The following BACE2 variants were observed in gnomAD, a reference collection of about 807,000 sequenced individuals.
BACE2 encodes 56 kDa aspartic-like protease.
A neutral mutation model predicts 46.2 loss-of-function variants in BACE2; 17 were observed. The observed-to-expected ratio is 0.37, with a 90% CI of 0.25 to 0.55. The LOEUF is 0.55. BACE2 is among the 20% of genes least tolerant of loss of function. The pLI is 0.82. For synonymous variants in BACE2, 277 were observed against 295.9 expected, an observed-to-expected ratio of 0.94 and a Z score of 0.66; for missense variants, 595 against 698.1, an observed-to-expected ratio of 0.85 and a Z score of 1.66.
intron 1 of BACE2, among the ~76,000 whole-genome samples, chr21:41,191,811 A>G (rs1985579476): frequency 6.6e-6 from 1 of 152,136 alleles, no homozygotes; most frequent in Admixed American, 6.5e-5. Context: ...CATCCTATTC[A>G]CTTGATTATT....
chr21:41,274,524 A>G (rs2088464644), intron 8 of BACE2, among the ~76,000 whole-genome samples: 1 of 152,222 alleles, frequency 6.6e-6, no homozygotes, highest in African/African-American at 2.4e-5. Context: ...CCGTATTGCA[A>G]GTAAAGCTTA....
chr21:41,174,484 C>T (rs1234936022), intron 1 of BACE2, among the ~76,000 whole-genome samples: 1 of 152,048 alleles, frequency 6.6e-6, no homozygotes, highest in Non-Finnish European at 1.5e-5. Context: ...GCATTGCTCC[C>T]AGGGGTGGAG....
intron 1 of BACE2, among the ~76,000 whole-genome samples, chr21:41,220,793 C>G (rs1333940079): frequency 6.6e-6 from 1 of 151,652 alleles, no homozygotes; most frequent in East Asian, 1.9e-4. Flanking sequence ...GGAGCAAGCT[C>G]TTACACATTT....
intron 3 of BACE2, among the ~76,000 whole-genome samples, chr21:41,238,634 T>C (rs1373828179): frequency 1.3e-5 from 2 of 152,028 alleles, no homozygotes; most frequent in East Asian, 3.9e-4. Flanking sequence ...TAAAAAATGA[T>C]GAGTTCATGT....
intron 8 of BACE2, among the ~76,000 whole-genome samples, chr21:41,270,906 A>G (rs1469800708): frequency 6.6e-6 from 1 of 152,142 alleles, no homozygotes; most frequent in East Asian, 1.9e-4. Flanking sequence ...GGATATTGGA[A>G]TCTCTGACTA....
intron 1 of BACE2, among the ~76,000 whole-genome samples, chr21:41,189,307 A>G (rs1279281671): frequency 6.6e-6 from 1 of 151,868 alleles, no homozygotes; most frequent in Non-Finnish European, 1.5e-5. Flanking sequence ...TGGACCTCCC[A>G]TTATTCAGAA....
chr21:41,200,473 C>T (rs2123528119), intron 1 of BACE2, among the ~76,000 whole-genome samples: 1 of 152,268 alleles, frequency 6.6e-6, no homozygotes, highest in East Asian at 1.9e-4. Context: ...GGATTAGGTG[C>T]ACCCGTGAGG....
rs114576438 is a variant in BACE2, at chr21:41,245,462, T to C, written c.883-500T>C. Among the ~76,000 whole-genome samples the C allele has an allele frequency of 2.5e-3, 374 of 152,384 alleles. 1 individual carries two copies. Among genetic ancestry groups the C allele is most frequent in the Middle Eastern group, 6.8e-3 (2 of 294 alleles). ...CGCCTGTGTGTGTCTCAGTCTATGA[T>C]GCACTGTGGCCCTGGTTCTGTTCCC... On this transcript the variant is annotated intron_variant, in intron 5 of 8. Transcript: ENST00000330333.
chr21:41,180,743 A>G (rs1451665550), intron 1 of BACE2: 1 of 167,152 alleles, frequency 6.0e-6, no homozygotes, highest in Non-Finnish European at 1.5e-5. Context: ...TATCTATGTA[A>G]CTAGGTAGCT....
At chr21:41,274,888 G>A (rs886486899) in intron 8 of BACE2, among the ~76,000 whole-genome samples, 12 of 152,178 alleles carry the variant, frequency 7.9e-5, no homozygotes, top group African/African-American at 2.9e-4. Context: ...CCATGGTAGG[G>A]AGTGAACTCA....
chr21:41,274,326 G>T (rs2088462803), intron 8 of BACE2, among the ~76,000 whole-genome samples: 1 of 151,960 alleles, frequency 6.6e-6, no homozygotes, highest in South Asian at 2.1e-4. Flanking sequence ...TTCTTTTCAG[G>T]TCATTATCGC....
rs149326608 is a variant in BACE2, at chr21:41,213,408, G to GTGAGAGGTGGTT, written c.313-12856_313-12845dup. Among the ~76,000 whole-genome samples the GTGAGAGGTGGTT allele has an allele frequency of 6.9e-3, 1,051 of 152,298 alleles. 81 individuals are homozygous for GTGAGAGGTGGTT. In the East Asian group the frequency reaches 0.18, roughly 25 times the overall value. On this transcript the variant is annotated intron_variant, in intron 1 of 8. Transcript: ENST00000330333. Reference sequence around the variant, plus strand: ...TACTCTCAGCCAGCAGGCAGAAGGGGTGAGAGGTGGTTTCTACTTGCATCA... The same window carrying GTGAGAGGTGGTT: ...TACTCTCAGCCAGCAGGCAGAAGGGGTGAGAGGTGGTTTGAGAGGTGGTTTCTACTTGCATCA...
chr21:41,171,616 A>C (rs1375466715), intron 1 of BACE2, among the ~76,000 whole-genome samples: 1 of 152,228 alleles, frequency 6.6e-6, no homozygotes, highest in East Asian at 1.9e-4. Context: ...GAACCGTGCA[A>C]TTTGGTCTTA....
chr21:41,213,885 A>C (rs1184443411), intron 1 of BACE2, among the ~76,000 whole-genome samples: 1 of 152,172 alleles, frequency 6.6e-6, no homozygotes, highest in East Asian at 1.9e-4. Flanking sequence ...TTTAGAATCA[A>C]ATTGCTCCAG....
At chr21:41,168,979 C>T (rs1008591818) in intron 1 of BACE2, among the ~76,000 whole-genome samples, 125 of 79,068 alleles carry the variant, frequency 1.6e-3, no homozygotes, top group African/African-American at 5.4e-3. Context: ...CGTGTTCATA[C>T]CCTCCCTCCC....
At position 41,178,243 on chromosome 21, in the gene BACE2, G is replaced by C. The variant is rs1984933384; in HGVS notation, c.312+9668G>C. The C allele has an allele frequency of 2.0e-5, 3 of 152,382 alleles. No individual in the cohort carries two copies. In the South Asian group the frequency reaches 6.2e-4, roughly 32 times the overall value. 9.4% of individuals were successfully genotyped at this position (152,382 alleles called of 1,614,324 possible). On this transcript the variant is annotated intron_variant, in intron 1 of 8. Transcript: ENST00000330333. ...TGTCCAGTGGAAACAGCTGCCCTGA[G>C]CATACAGGGCACGCTGACACCTGCT...
intron 1 of BACE2, among the ~76,000 whole-genome samples, chr21:41,217,407 T>C (rs1986505809): frequency 6.6e-6 from 1 of 152,226 alleles, no homozygotes; most frequent in African/African-American, 2.4e-5. Context: ...GTGTGTTTGT[T>C]TTCTGTCTCT....
chr21:41,202,191 C>T (rs908170706), intron 1 of BACE2, among the ~76,000 whole-genome samples: 2 of 152,118 alleles, frequency 1.3e-5, no homozygotes, highest in Non-Finnish European at 1.5e-5. Flanking sequence ...TTGCCATGTG[C>T]GGAAACTGAC....
At chr21:41,174,919 TG>T (rs1224257769) in intron 1 of BACE2, among the ~76,000 whole-genome samples, 2 of 152,144 alleles carry the variant, frequency 1.3e-5, no homozygotes, top group African/African-American at 4.8e-5. Context: ...GTGAGGCAGG[TG>T]GGCAGCCTGG....
Sources: allele counts gnomAD v4.1 joint callset (sites outside exome capture counted in the v4.1 genomes callset), GRCh38; gene constraint gnomAD v4.1.1; transcripts MANE v1.5; gene names NCBI Gene and HGNC (gene_info 2026-07-23, HGNC 2026-07-21).